PDE4D: variants seen among roughly 807,000 people sequenced by gnomAD.
The protein encoded by PDE4D is phosphodiesterase 4D.
Under a neutral mutation model 87.4 loss-of-function variants are expected in PDE4D, and 24 were observed. The observed-to-expected ratio is 0.27, with a 90% CI of 0.20 to 0.39. The LOEUF (loss-of-function observed/expected upper bound fraction) is 0.39, where lower values mean the gene tolerates loss of function less well. Ranked by LOEUF, PDE4D falls within the 10% of genes least tolerant of loss-of-function variation. PDE4D has a pLI of 1.00. For synonymous variants in PDE4D, 384 were observed against 383.2 expected, an observed-to-expected ratio of 1.00 and a Z score of -0.02; for missense variants, 714 against 1,041.0, an observed-to-expected ratio of 0.69 and a Z score of 4.32.
chr5:60,476,463 C>T (rs766001509), intron 1 of PDE4D, among the ~76,000 whole-genome samples: 35 of 152,166 alleles, frequency 2.3e-4, no homozygotes, highest in Non-Finnish European at 5.0e-4. Flanking sequence ...TCCACCCTTG[C>T]TCCCTATAGC....
chr5:59,167,199 G>A (rs1228692657), intron 5 of PDE4D, among the ~76,000 whole-genome samples: 2 of 152,208 alleles, frequency 1.3e-5, no homozygotes, highest in Non-Finnish European at 2.9e-5. Context: ...AAGTGGGTGA[G>A]CAGGACAGCC....
intron 1 of PDE4D, among the ~76,000 whole-genome samples, chr5:59,496,520 C>A (rs900260851): frequency 6.6e-6 from 1 of 152,088 alleles, no homozygotes; most frequent in Admixed American, 6.5e-5. Context: ...CCCCAGTCGG[C>A]TTCCTTGTTC....
chr5:59,764,069 C>G (rs888110564), intron 1 of PDE4D, among the ~76,000 whole-genome samples: 1 of 152,164 alleles, frequency 6.6e-6, no homozygotes, highest in Non-Finnish European at 1.5e-5. Context: ...CCCCACAGTT[C>G]TGCCTCAGTA....
At chr5:59,193,656 T>C in intron 2 of PDE4D, 120 bp from the exon 3 acceptor site, 5 of 1,496,414 alleles carry the variant, frequency 3.3e-6, no homozygotes, top group Non-Finnish European at 4.4e-6. Flanking sequence ...AGTGATTCCA[T>C]CCTTATACTT....
chr5:59,238,112 G>C (rs1756877178), intron 1 of PDE4D, among the ~76,000 whole-genome samples: 1 of 152,080 alleles, frequency 6.6e-6, no homozygotes, highest in African/African-American at 2.4e-5. Flanking sequence ...AGCCTTGTGA[G>C]TTTGGCCAAG....
intron 1 of PDE4D, among the ~76,000 whole-genome samples, chr5:60,299,527 T>A (rs1753710997): frequency 6.6e-6 from 1 of 152,138 alleles, no homozygotes. Context: ...ACATTACCTA[T>A]TATTCCTGAT....
chr5:59,003,547 A>G (rs945772760), intron 6 of PDE4D, among the ~76,000 whole-genome samples: 2 of 152,232 alleles, frequency 1.3e-5, no homozygotes, highest in Non-Finnish European at 2.9e-5. Context: ...TTCAATATTT[A>G]TTAAGCTCCT....
chr5:59,553,233 C>A (rs959251158), intron 1 of PDE4D, among the ~76,000 whole-genome samples: 1 of 152,124 alleles, frequency 6.6e-6, no homozygotes, highest in African/African-American at 2.4e-5. Context: ...CTTTCCCTCA[C>A]TCCCATAGAA....
intron 5 of PDE4D, among the ~76,000 whole-genome samples, chr5:59,101,965 A>T (rs1770806914): frequency 6.6e-6 from 1 of 152,148 alleles, no homozygotes; most frequent in Non-Finnish European, 1.5e-5. Flanking sequence ...TCCTTCCTTC[A>T]ACTGTGCCCA....
intron 1 of PDE4D, among the ~76,000 whole-genome samples, chr5:59,241,714 A>C (rs946105574): frequency 1.3e-5 from 2 of 152,182 alleles, no homozygotes; most frequent in African/African-American, 4.8e-5. Flanking sequence ...TGAAATAAGT[A>C]GGCATTTAAG....
intron 3 of PDE4D, among the ~76,000 whole-genome samples, chr5:59,968,110 G>A (rs992721783): frequency 4.7e-5 from 7 of 149,192 alleles, no homozygotes; most frequent in African/African-American, 7.4e-5. Flanking sequence ...TTAGCCTCCC[G>A]AGTAGCTGGG....
intron 1 of PDE4D, among the ~76,000 whole-genome samples, chr5:59,828,789 A>T (rs931724719): frequency 3.3e-5 from 5 of 152,054 alleles, no homozygotes; most frequent in Admixed American, 1.3e-4. Context: ...ACTGCATCTC[A>T]TGAGCCCTAG....
At chr5:59,420,289 G>A (rs948513238) in intron 1 of PDE4D, among the ~76,000 whole-genome samples, 3 of 152,278 alleles carry the variant, frequency 2.0e-5, no homozygotes, top group Non-Finnish European at 2.9e-5. Context: ...ATCCTAGTCT[G>A]ACTTGGAGAA....
intron 5 of PDE4D, among the ~76,000 whole-genome samples, chr5:59,145,685 T>C (rs1247421846): frequency 1.3e-5 from 2 of 152,200 alleles, no homozygotes; most frequent in South Asian, 4.1e-4. Flanking sequence ...CTATATCTAA[T>C]ATTATCGAGC....
At chr5:60,296,117 CCT>C (rs1753358672) in intron 1 of PDE4D, among the ~76,000 whole-genome samples, 1 of 152,130 alleles carries the variant, frequency 6.6e-6, no homozygotes, top group African/African-American at 2.4e-5. Context: ...GGCCTCAACT[CCT>C]AATACAATCA....
At chr5:59,847,751 T>C (rs1016566245) in intron 1 of PDE4D, among the ~76,000 whole-genome samples, 3 of 152,026 alleles carry the variant, frequency 2.0e-5, no homozygotes, top group Non-Finnish European at 4.4e-5. Context: ...TATGGCAAAT[T>C]TGACAGAAGT....
chr5:60,013,578 G>A (rs920430581), intron 2 of PDE4D, among the ~76,000 whole-genome samples: 34 of 152,196 alleles, frequency 2.2e-4, no homozygotes, highest in African/African-American at 6.5e-4. Context: ...ACAGCAATTT[G>A]CCCTAAGTTA....
At chr5:59,875,567 C>A (rs2152741423) in intron 1 of PDE4D, among the ~76,000 whole-genome samples, 1 of 150,248 alleles carries the variant, frequency 6.7e-6, no homozygotes, top group East Asian at 2.0e-4. Flanking sequence ...TCCTCTTTTC[C>A]TCCTTGCACT....
intron 2 of PDE4D, among the ~76,000 whole-genome samples, chr5:60,052,242 A>AAGAG (rs1770254646): frequency 1.3e-5 from 2 of 149,710 alleles, no homozygotes; most frequent in East Asian, 2.0e-4. Context: ...AACAACGAAA[A>AAGAG]AATTTCAGGC....
Sources: allele counts gnomAD v4.1 joint callset (sites outside exome capture counted in the v4.1 genomes callset), GRCh38; gene constraint gnomAD v4.1.1; transcripts MANE v1.5; gene names NCBI Gene and HGNC (gene_info 2026-07-23, HGNC 2026-07-21).